The following SPATA18 variants were observed in gnomAD, a reference collection of about 807,000 sequenced individuals.
The protein encoded by SPATA18 is spermatogenesis associated 18, also known as mitochondria-eating protein.
In SPATA18, 54 loss-of-function variants were observed where a neutral mutation model predicts 68.1. That is an observed-to-expected ratio of 0.79 (90% CI 0.64 to 0.99). The LOEUF (loss-of-function observed/expected upper bound fraction) is 0.99, where lower values mean the gene tolerates loss of function less well. SPATA18 is among the 50% of genes least tolerant of loss of function. The probability of loss-of-function intolerance (pLI) is 0.00; values close to 1 mark genes in which losing one functional copy is unlikely to be tolerated. For missense variants in SPATA18, 724 were observed against 681.1 expected, an observed-to-expected ratio of 1.06 and a Z score of -0.70; for synonymous variants, 242 against 244.8, an observed-to-expected ratio of 0.99 and a Z score of 0.11.
chr4:52,065,345 T>G (rs531447737), intron 4 of SPATA18, among the ~76,000 whole-genome samples: 30 of 152,316 alleles, frequency 2.0e-4, no homozygotes, highest in African/African-American at 7.0e-4. Flanking sequence ...GCTTTTGGGT[T>G]CTTAGGCATG....
rs10011990 is a variant in SPATA18 at position 52,096,363 on chromosome 4, C to T, written c.*1476C>T. Reference sequence around the variant, plus strand: ...TCACTTCTCTGAGCCTTGGTTTTATCATAGGGTGAGGAGGTTGGATACAAT... The same window carrying T: ...TCACTTCTCTGAGCCTTGGTTTTATTATAGGGTGAGGAGGTTGGATACAAT... On this transcript the variant is annotated 3_prime_UTR_variant, in exon 13 of 13. Transcript: ENST00000295213. 19,745 of 152,086 alleles carry T rather than the reference C, an allele frequency of 0.13. 1,480 individuals carry two copies. Among genetic ancestry groups the T allele is most frequent in the South Asian group, 0.28 (1,337 of 4,818 alleles). The allele number at this position is 152,086 out of a possible 1,614,324, so 9.4% of individuals were successfully genotyped here. A position where few individuals can be genotyped will look rare whatever the true frequency, so the allele number is the denominator to read the frequency against.
At chr4:52,054,286 T>C (rs140823492) in intron 1 of SPATA18, among the ~76,000 whole-genome samples, 3 of 152,230 alleles carry the variant, frequency 2.0e-5, no homozygotes, top group Admixed American at 2.0e-4. Context: ...TTGCACTCAC[T>C]GTTTTCTCTG....
Position 52,094,988 on chromosome 4 carries a change from A to AT in SPATA18, c.*102dup. On this transcript the variant is annotated 3_prime_UTR_variant, in exon 13 of 13. Coordinates refer to ENST00000295213, the MANE Select transcript of SPATA18 (RefSeq NM_145263.4). ...TCTGCCTCAGACCTCACTTAAGATA[A>AT]TGTCAAAAGGCAATTCTGTGTATCA... is the stretch of plus-strand genomic sequence containing the variant. 1.4e-6 allele frequency: 2 copies of AT among 1,429,416 alleles called. No homozygotes were observed. Among genetic ancestry groups the AT allele is most frequent in the Non-Finnish European group, 9.9e-7 (1 of 1,013,242 alleles). The allele number at this position is 1,429,416 out of a possible 1,614,324, so 88.5% of individuals were successfully genotyped here. A position where few individuals can be genotyped will look rare whatever the true frequency, so the allele number is the denominator to read the frequency against.
At chr4:52,067,307 A>T (rs1739395287) in intron 4 of SPATA18, among the ~76,000 whole-genome samples, 1 of 152,086 alleles carries the variant, frequency 6.6e-6, no homozygotes, top group African/African-American at 2.4e-5. Flanking sequence ...TTCTCTTGAG[A>T]AGTGTTTGTT....
intron 3 of SPATA18, among the ~76,000 whole-genome samples, 196 bp downstream of exon 3, chr4:52,061,093 T>G (rs1267628330): frequency 6.6e-6 from 1 of 152,214 alleles, no homozygotes; most frequent in Non-Finnish European, 1.5e-5. Context: ...CGCACATACC[T>G]TGCTTAAGGC....
chr4:52,051,972 T>C (rs1385168746), intron 1 of SPATA18, among the ~76,000 whole-genome samples, 181 bp downstream of exon 1: 1 of 152,194 alleles, frequency 6.6e-6, no homozygotes, highest in Non-Finnish European at 1.5e-5. Flanking sequence ...TGTGTGTACA[T>C]GCCCTTGTCT....
chr4:52,083,576 C>T, intron 10 of SPATA18: 1 of 684,592 alleles, frequency 1.5e-6, no homozygotes, highest in Non-Finnish European at 1.8e-6. Flanking sequence ...GAGACCTCAT[C>T]TCTACAAAAA....
chr4:52,083,003 G>A (rs750954832), intron 10 of SPATA18: 181 of 985,220 alleles, frequency 1.8e-4, no homozygotes, highest in Non-Finnish European at 2.1e-4. Flanking sequence ...GTGGGAGAGA[G>A]GAACCAATCA....
intron 7 of SPATA18, 70 bp from the exon 8 acceptor site, chr4:52,078,665 T>C (rs1740625436): frequency 7.2e-7 from 1 of 1,389,646 alleles, no homozygotes; most frequent in Admixed American, 2.2e-5. Context: ...GGATTCTTTC[T>C]AATTCCTTGT....
chr4:52,051,860 T>A, intron 1 of SPATA18, 69 bp downstream of exon 1: 1 of 1,451,296 alleles, frequency 6.9e-7, no homozygotes, highest in South Asian at 1.1e-5. Context: ...TGTCGGGGAT[T>A]TCTTAGGGCT....
Position 52,086,672 on chromosome 4 carries a change from G to A in SPATA18, c.1563+1673G>A, listed in dbSNP as rs371613842. Among the ~76,000 whole-genome samples, 33 of 152,208 alleles carry A rather than the reference G, an allele frequency of 2.2e-4. 1 individual carries two copies. The South Asian group carries it at 6.4e-3, about 30-fold the overall frequency. On this transcript the variant is annotated intron_variant, in intron 11 of 12. Transcript: ENST00000295213. ...TCTTAATCCATTCTATCATTGATGG[G>A]CATTTGGGTTGGTTTCAAGTCTTTG...
intron 1 of SPATA18, among the ~76,000 whole-genome samples, chr4:52,058,681 A>G (rs936517889): frequency 2.0e-5 from 3 of 152,118 alleles, no homozygotes; most frequent in Non-Finnish European, 4.4e-5. Context: ...CCTTCCCTGG[A>G]TGCCCTCCCC....
Position 52,082,996 on chromosome 4 carries a change from G to A in SPATA18, c.1479+486G>A, listed in dbSNP as rs960330802. 5.1e-6 allele frequency: 5 copies of A among 985,192 alleles called. No individual in the cohort carries two copies. The African/African-American group carries it at 8.7e-5, about 17-fold the overall frequency. 61.0% of individuals were successfully genotyped at this position (985,192 alleles called of 1,614,324 possible). A position where few individuals can be genotyped will look rare whatever the true frequency, so the allele number is the denominator to read the frequency against. On this transcript the variant is annotated intron_variant, in intron 10 of 12. Coordinates refer to ENST00000295213, the MANE Select transcript of SPATA18 (RefSeq NM_145263.4). ...GGAGACAAAGAGGGCAGAGGAGGTG[G>A]GAGAGAGGAACCAATCAGTTTGGGA... is the stretch of plus-strand genomic sequence containing the variant.
chr4:52,094,960 G>A lies in SPATA18; in HGVS notation c.*73G>A. 1 of 1,572,500 alleles carries A rather than the reference G, an allele frequency of 6.4e-7. No individual in the cohort carries two copies. The highest frequency in any genetic ancestry group is 1.3e-5 in the African/African-American group (1 of 74,194). ...TCTCCAGTGCCGCCATCTGTCTTCT[G>A]TGTCTGCCTCAGACCTCACTTAAGA... On this transcript the variant is annotated 3_prime_UTR_variant, in exon 13 of 13. Coordinates refer to ENST00000295213, the MANE Select transcript of SPATA18 (RefSeq NM_145263.4).
intron 11 of SPATA18, among the ~76,000 whole-genome samples, chr4:52,093,058 G>T (rs1012359115): frequency 4.6e-5 from 7 of 152,030 alleles, no homozygotes; most frequent in African/African-American, 1.7e-4. Flanking sequence ...TTAATACCCA[G>T]GTGATGAAAA....
At chr4:52,081,250 G>A (rs1440869484) in intron 9 of SPATA18, among the ~76,000 whole-genome samples, 1 of 152,222 alleles carries the variant, frequency 6.6e-6, no homozygotes, top group Non-Finnish European at 1.5e-5. Flanking sequence ...CAGAGGGAAT[G>A]TGCAGCTTCT....
In SPATA18 at chr4:52,084,998, C is replaced by G; in HGVS notation, c.1562C>G (p.Thr521Arg). ...CCCCGTAGCCAAATTGGTTTAAACACGGTACATATCTATCTAATCATTTTT... is the reference window on the plus strand; with the variant it reads ...CCCCGTAGCCAAATTGGTTTAAACAGGGTACATATCTATCTAATCATTTTT... ...ICPRSQIGLNTMSRSRSPSPI... is the reference protein window; with the variant it reads ...ICPRSQIGLNRMSRSRSPSPI... The change falls in exon 11 of 13, where the codon ACG becomes AGG. Residue 521 changes from threonine to arginine, a missense_variant and splice_region_variant. Thr to Arg is a moderately conservative substitution (Grantham distance 71). Transcript: ENST00000295213. 1.2e-6 allele frequency: 2 copies of G among 1,608,966 alleles called. No homozygotes were observed. The highest frequency in any genetic ancestry group is 1.7e-6 in the Non-Finnish European group (2 of 1,176,964).
At chr4:52,083,843 C>A (rs10020350) in intron 10 of SPATA18, among the ~76,000 whole-genome samples, 1 of 150,366 alleles carries the variant, frequency 6.7e-6, no homozygotes, top group Non-Finnish European at 1.5e-5. Flanking sequence ...CAGGTTCAAG[C>A]GATTCTCCTG....
At chr4:52,061,288 CAG>C (rs1738827072) in intron 3 of SPATA18, among the ~76,000 whole-genome samples, 1 of 151,766 alleles carries the variant, frequency 6.6e-6, no homozygotes, top group African/African-American at 2.4e-5. Flanking sequence ...TACATGGACA[CAG>C]GGAGGGGAAC....
Sources: allele counts gnomAD v4.1 joint callset (sites outside exome capture counted in the v4.1 genomes callset), GRCh38; gene constraint gnomAD v4.1.1; transcripts MANE v1.5; gene names NCBI Gene and HGNC (gene_info 2026-07-23, HGNC 2026-07-21).